WASHC3: variants seen among roughly 807,000 people sequenced by gnomAD.
WASHC3 encodes WASH complex subunit CCDC53.
In WASHC3, 24 loss-of-function variants were observed where a neutral mutation model predicts 26.1. The ratio of observed to expected loss-of-function variants is 0.92; its 90% CI spans 0.66 to 1.29. The LOEUF is 1.29. WASHC3 is among the 50% of genes most tolerant of loss of function. The pLI, the probability that WASHC3 is intolerant of heterozygous loss-of-function variation, is 0.00. For synonymous variants in WASHC3, 77 were observed against 75.7 expected, an observed-to-expected ratio of 1.02 and a Z score of -0.09; for missense variants, 214 against 229.6, an observed-to-expected ratio of 0.93 and a Z score of 0.44.
chr12:102,058,975 C>T (rs1206361770), intron 2 of WASHC3, among the ~76,000 whole-genome samples: 1 of 152,092 alleles, frequency 6.6e-6, no homozygotes, highest in East Asian at 1.9e-4. Flanking sequence ...AATGATCTCA[C>T]TTATATATGG....
chr12:102,056,128 C>A (rs571585335), intron 2 of WASHC3, among the ~76,000 whole-genome samples: 1 of 152,094 alleles, frequency 6.6e-6, no homozygotes, highest in Non-Finnish European at 1.5e-5. Flanking sequence ...ATTGTTTTGA[C>A]GATTCTAAAG....
At chr12:102,018,004 TTC>T (rs1224758602) in intron 6 of WASHC3, among the ~76,000 whole-genome samples, 11 of 152,162 alleles carry the variant, frequency 7.2e-5, no homozygotes, top group Non-Finnish European at 1.5e-4. Context: ...CCACTATTCT[TTC>T]TGTCTCTATG....
intron 5 of WASHC3, among the ~76,000 whole-genome samples, chr12:102,034,815 T>TGTGTGTGA (rs1491460095): frequency 1.4e-5 from 2 of 146,382 alleles, no homozygotes; most frequent in African/African-American, 5.0e-5. Flanking sequence ...TGTGTGTGTG[T>TGTGTGTGA]GAGTATGTAA....
At chr12:102,029,963 T>C (rs1220823519) in intron 5 of WASHC3, among the ~76,000 whole-genome samples, 1 of 152,126 alleles carries the variant, frequency 6.6e-6, no homozygotes, top group Non-Finnish European at 1.5e-5. Flanking sequence ...GACTCAATCA[T>C]ATCTTTGCCT....
intron 2 of WASHC3, among the ~76,000 whole-genome samples, chr12:102,046,728 T>C (rs1175145262): frequency 2.0e-5 from 3 of 152,224 alleles, no homozygotes; most frequent in Non-Finnish European, 4.4e-5. Flanking sequence ...TTTACTACTG[T>C]ACCTTTAGTG....
chr12:102,013,474 A>G (rs1209901033), intron 6 of WASHC3, among the ~76,000 whole-genome samples: 2 of 152,206 alleles, frequency 1.3e-5, no homozygotes, highest in Admixed American at 1.3e-4. Context: ...TGGAGACCCA[A>G]TTATAGACAG....
At position 102,046,102 on chromosome 12, in the gene WASHC3, T is replaced by A; in HGVS notation, c.168A>T (p.Ser56=). The A allele has an allele frequency of 3.8e-6, 6 of 1,595,460 alleles. No homozygotes were observed. Among genetic ancestry groups the A allele is most frequent in the Non-Finnish European group, 5.1e-6 (6 of 1,167,720 alleles). ...TTGTTTCAATTTGTTGGATACGAAG[T>A]GAAAGGTCTGCCAGTTTCTGTAAAA... ...TVCEEKLADL[S]LRIQQIETTL... The change falls in exon 3 of 7, where the codon TCA becomes TCT. Residue 56 remains serine, a synonymous_variant. Transcript: ENST00000240079.
intron 2 of WASHC3, among the ~76,000 whole-genome samples, chr12:102,048,682 T>C (rs1227913222): frequency 6.6e-6 from 1 of 152,148 alleles, no homozygotes; most frequent in Admixed American, 6.5e-5. Context: ...GATTTCCTTA[T>C]ACTTCAAAAT....
At chr12:102,050,946 T>C (rs1221515470) in intron 2 of WASHC3, among the ~76,000 whole-genome samples, 1 of 152,242 alleles carries the variant, frequency 6.6e-6, no homozygotes, top group Non-Finnish European at 1.5e-5. Flanking sequence ...CTGATTCTAC[T>C]ACTTTCTCTG....
intron 4 of WASHC3, chr12:102,040,276 G>C (rs1046543997): frequency 6.0e-6 from 1 of 167,486 alleles, no homozygotes; most frequent in African/African-American, 2.4e-5. Context: ...CTGATACAAA[G>C]CATGAATTAT....
intron 5 of WASHC3, among the ~76,000 whole-genome samples, chr12:102,037,103 G>C (rs1305810468): frequency 6.6e-6 from 1 of 152,114 alleles, no homozygotes; most frequent in East Asian, 1.9e-4. Context: ...ATTTTGTAGG[G>C]TAGGGCCCAG....
Position 102,046,071 on chromosome 12 carries a change from TGA to T in WASHC3, c.197_198del (p.Leu66GlnfsTer15), listed in dbSNP as rs909317050. 3.1e-6 allele frequency: 5 copies of T among 1,593,046 alleles called. No homozygotes were observed. The highest frequency in any genetic ancestry group is 2.7e-5 in the African/African-American group (2 of 74,686). ...SLRIQQIETTLNILDAKLSSI... is the reference protein window; with the variant it reads ...SLRIQQIETTXNILDAKLSSI... ...ATACCAACCTTTGCATCTAAAATAT[TGA>T]GAGTTGTTTCAATTTGTTGGATACG... On this transcript the variant is annotated frameshift_variant, in exon 3 of 7. Coordinates refer to ENST00000240079, the MANE Select transcript of WASHC3 (RefSeq NM_016053.4). LOFTEE classifies it high-confidence loss of function.
intron 2 of WASHC3, among the ~76,000 whole-genome samples, chr12:102,047,893 T>G (rs897165174): frequency 5.3e-5 from 8 of 152,186 alleles, no homozygotes; most frequent in Non-Finnish European, 1.0e-4. Context: ...ACCAAATCTA[T>G]AAAGTAGGAA....
At chr12:102,040,896 T>C (rs1307600317) in intron 4 of WASHC3, among the ~76,000 whole-genome samples, 3 of 152,018 alleles carry the variant, frequency 2.0e-5, no homozygotes, top group Non-Finnish European at 4.4e-5. Flanking sequence ...CAATTTTATG[T>C]CTATTGTTCA....
intron 2 of WASHC3, among the ~76,000 whole-genome samples, chr12:102,052,794 T>G (rs1878444553): frequency 6.6e-6 from 1 of 151,718 alleles, no homozygotes; most frequent in South Asian, 2.1e-4. Flanking sequence ...AAACACAGGC[T>G]CCAGGACCAT....
At chr12:102,013,395 G>A (rs1470637286) in intron 6 of WASHC3, among the ~76,000 whole-genome samples, 2 of 152,136 alleles carry the variant, frequency 1.3e-5, no homozygotes, top group Non-Finnish European at 2.9e-5. Context: ...TGTAGAGGCC[G>A]CGACAGTATT....
chr12:102,020,504 T>C (rs1484248524), intron 6 of WASHC3, among the ~76,000 whole-genome samples: 1 of 152,224 alleles, frequency 6.6e-6, no homozygotes, highest in Non-Finnish European at 1.5e-5. Context: ...TTTATATTTG[T>C]GTTTAAAACT....
At chr12:102,057,874 T>C (rs890427302) in intron 2 of WASHC3, among the ~76,000 whole-genome samples, 1 of 151,982 alleles carries the variant, frequency 6.6e-6, no homozygotes, top group South Asian at 2.1e-4. Flanking sequence ...CCTATCAATT[T>C]TCCAATAATA....
intron 6 of WASHC3, chr12:102,019,387 C>A: frequency 2.6e-6 from 1 of 383,906 alleles, no homozygotes; most frequent in Non-Finnish European, 5.1e-6. Context: ...AGTTGTTTTT[C>A]ATGGAAAGAA....
Sources: allele counts gnomAD v4.1 joint callset (sites outside exome capture counted in the v4.1 genomes callset), GRCh38; gene constraint gnomAD v4.1.1; transcripts MANE v1.5; gene names NCBI Gene and HGNC (gene_info 2026-07-23, HGNC 2026-07-21).